ANKRD18B: variants seen among roughly 807,000 people sequenced by gnomAD.
The protein encoded by ANKRD18B is ankyrin repeat domain-containing protein 18B.
Under a neutral mutation model 111.8 loss-of-function variants are expected in ANKRD18B, and 75 were observed. That is an observed-to-expected ratio of 0.67 (90% CI 0.56 to 0.81). The LOEUF is 0.81. Ranked by LOEUF, ANKRD18B falls within the 40% of genes least tolerant of loss-of-function variation. The probability of loss-of-function intolerance (pLI) is 0.00; values close to 1 mark genes in which losing one functional copy is unlikely to be tolerated. For synonymous variants in ANKRD18B, 356 were observed against 417.3 expected (o/e 0.85, Z 1.79); for missense variants, 1,038 against 1,225.5 (o/e 0.85, Z 2.28).
intron 13 of ANKRD18B, among the ~76,000 whole-genome samples, chr9:33,556,346 C>T (rs960044939): frequency 4.0e-5 from 6 of 151,442 alleles, no homozygotes; most frequent in African/African-American, 1.2e-4. Context: ...TCACTGCAAC[C>T]TCTGCCACCT....
rs1827995375 is a variant in ANKRD18B, at chr9:33,524,496, A to C, written c.7A>C (p.Lys3Gln). Residue 3 changes from lysine to glutamine, a missense_variant, in exon 1 of 19, where the codon AAG becomes CAG. By Grantham distance (53) the Lys-to-Gln change is moderately conservative. This residue lies in a region of ANKRD18B where 216 missense variants were observed against 205.1 expected (regional missense o/e 1.05). Transcript: ENST00000684830. The part of the protein sequence containing the change: MR[K>Q]LLSFGRRLGQ... ...CATCTGAGAAGTCGCCACCATGAGGAAGCTCCTCAGTTTTGGGAGACGCCT... is the reference window on the plus strand; with the variant it reads ...CATCTGAGAAGTCGCCACCATGAGGCAGCTCCTCAGTTTTGGGAGACGCCT... 6 of 1,547,080 alleles carry C rather than the reference A, an allele frequency of 3.9e-6. No individual in the cohort carries two copies. The highest frequency in any genetic ancestry group is 4.4e-6 in the Non-Finnish European group (5 of 1,145,294).
chr9:33,572,196 A>T, intron 18 of ANKRD18B, 120 bp from the exon 19 acceptor site: 2 of 734,286 alleles, frequency 2.7e-6, no homozygotes, highest in Non-Finnish European at 4.7e-6. Context: ...TTGTAATTGC[A>T]CGTACATATT....
chr9:33,545,111 C>T (rs1227569610), intron 10 of ANKRD18B, among the ~76,000 whole-genome samples: 2 of 152,098 alleles, frequency 1.3e-5, no homozygotes, highest in African/African-American at 4.8e-5. Flanking sequence ...ACTCTGGGTC[C>T]CTCCAACACA....
chr9:33,533,547 T>G lies in ANKRD18B; in HGVS notation c.602+2T>G, dbSNP rs865931633. On this transcript the variant is annotated splice_donor_variant, in intron 4 of 18. Transcript: ENST00000684830. LOFTEE classifies it high-confidence loss of function. ...ACATGCCGTTGACAATTTCAAAAGGTGCAATAGTTTTTGTTTTCTGTTTTC... is the reference window on the plus strand; with the variant it reads ...ACATGCCGTTGACAATTTCAAAAGGGGCAATAGTTTTTGTTTTCTGTTTTC... 9 of 1,528,656 alleles carry G rather than the reference T, an allele frequency of 5.9e-6. No homozygotes were observed. Among genetic ancestry groups the G allele is most frequent in the Non-Finnish European group, 3.5e-6 (4 of 1,140,482 alleles). The allele number at this position is 1,528,656 out of a possible 1,614,324, so 94.7% of individuals were successfully genotyped here.
At chr9:33,569,644 C>A (rs1486518338) in intron 17 of ANKRD18B, among the ~76,000 whole-genome samples, 2 of 152,148 alleles carry the variant, frequency 1.3e-5, no homozygotes, top group African/African-American at 2.4e-5. Context: ...AAACACTTAA[C>A]AACATATAGA....
chr9:33,573,986 G>C (rs1828822404), downstream of ANKRD18B, among the ~76,000 whole-genome samples: 2 of 144,220 alleles, frequency 1.4e-5, 1 homozygote, highest in Non-Finnish European at 3.1e-5. Flanking sequence ...CTGGTCGGTG[G>C]GGTGTATTCA....
chr9:33,560,623 G>A (rs1828592417), intron 14 of ANKRD18B, among the ~76,000 whole-genome samples: 1 of 152,188 alleles, frequency 6.6e-6, no homozygotes, highest in African/African-American at 2.4e-5. Flanking sequence ...CATTCATGAG[G>A]TGATGGACCT....
chr9:33,550,391 A>C (rs1398011046), intron 11 of ANKRD18B, 39 bp from the exon 12 acceptor site: 22 of 1,506,720 alleles, frequency 1.5e-5, no homozygotes, highest in Admixed American at 2.4e-5. Context: ...TTTAATAATA[A>C]GGCACTTTAT....
At chr9:33,532,105 G>T (rs1221104449) in intron 3 of ANKRD18B, among the ~76,000 whole-genome samples, 1 of 152,050 alleles carries the variant, frequency 6.6e-6, no homozygotes, top group Non-Finnish European at 1.5e-5. Flanking sequence ...GTGGTGGCAG[G>T]TGCCTGTAGT....
chr9:33,573,243 C>T (rs199848211), downstream of ANKRD18B: 9 of 985,188 alleles, frequency 9.1e-6, no homozygotes, highest in South Asian at 1.9e-4. Context: ...TCCCATCATG[C>T]GCTCACTAGT....
rs530466625 is a variant in ANKRD18B at position 33,564,122 on chromosome 9, C to T, written c.2461-2097C>T. ...CTAGGATTATGGGCGTGCACCATTG[C>T]ACCTGTCTGATTTTTTACTTTGTAG... On this transcript the variant is annotated intron_variant, in intron 14 of 18. Transcript: ENST00000684830. Among the ~76,000 whole-genome samples, 34 of 152,310 alleles carry T rather than the reference C, an allele frequency of 2.2e-4. No homozygotes were observed. In the South Asian group the frequency reaches 6.8e-3, roughly 31 times the overall value.
At chr9:33,547,551 C>A (rs940596642) in intron 10 of ANKRD18B, among the ~76,000 whole-genome samples, 1 of 151,954 alleles carries the variant, frequency 6.6e-6, no homozygotes, top group African/African-American at 2.4e-5. Context: ...GGTTAGATAT[C>A]AGAGTATAAA....
At chr9:33,562,867 T>C (rs1256670518) in intron 14 of ANKRD18B, among the ~76,000 whole-genome samples, 1 of 152,274 alleles carries the variant, frequency 6.6e-6, no homozygotes, top group Non-Finnish European at 1.5e-5. Context: ...TAATAAATAC[T>C]CAAAGCTTCT....
At chr9:33,570,938 T>C (rs1202616371) in intron 17 of ANKRD18B, among the ~76,000 whole-genome samples, 3 of 152,158 alleles carry the variant, frequency 2.0e-5, no homozygotes, top group Non-Finnish European at 2.9e-5. Flanking sequence ...GCCCGGTCAT[T>C]GTTTAACCTT....
rs1220841629 is a variant in ANKRD18B at position 33,550,450 on chromosome 9, A to G, written c.2088A>G (p.Gln696=). 4 of 1,541,534 alleles carry G rather than the reference A, an allele frequency of 2.6e-6. No individual in the cohort carries two copies. Among genetic ancestry groups the G allele is most frequent in the East Asian group, 2.5e-5 (1 of 40,754 alleles). Residue 696 remains glutamine, a synonymous_variant, in exon 12 of 19, where the codon CAA becomes CAG. Transcript: ENST00000684830. The part of the protein sequence containing the change: ...AEREVIVREF[Q]EELVDHLKKF... Reference sequence around the variant, plus strand: ...GTCAGGTGATTGTGAGAGAATTTCAAGAAGAACTGGTCGATCATCTTAAAA... The same window carrying G: ...GTCAGGTGATTGTGAGAGAATTTCAGGAAGAACTGGTCGATCATCTTAAAA...
At chr9:33,546,012 A>G (rs1269397995) in intron 10 of ANKRD18B, among the ~76,000 whole-genome samples, 1 of 152,192 alleles carries the variant, frequency 6.6e-6, no homozygotes, top group Non-Finnish European at 1.5e-5. Flanking sequence ...CAAGTGGCAT[A>G]TGGGCTGGGA....
intron 9 of ANKRD18B, among the ~76,000 whole-genome samples, chr9:33,542,416 T>G (rs1345227965): frequency 2.0e-5 from 3 of 150,936 alleles, no homozygotes; most frequent in African/African-American, 7.3e-5. Flanking sequence ...AAGTTTTTAC[T>G]CTGTCACCCA....
chr9:33,548,408 T>C lies in ANKRD18B; in HGVS notation c.1620T>C (p.Asn540=). Residue 540 remains asparagine (N), a synonymous_variant, in exon 11 of 19, where the codon AAT becomes AAC. Coordinates refer to ENST00000684830, the MANE Select transcript of ANKRD18B (RefSeq NM_001393611.1). ...ATATTTCTCAACTAACAGATAAGAA[T>C]GAGTTGCTTACTGAACAGGTCCATA... ...GSNISQLTDK[N]ELLTEQVHKA... 1 of 1,551,068 alleles carries C rather than the reference T, an allele frequency of 6.4e-7. No individual in the cohort carries two copies. The highest frequency in any genetic ancestry group is 8.7e-7 in the Non-Finnish European group (1 of 1,146,590).
chr9:33,554,915 C>T (rs573982821), intron 12 of ANKRD18B, among the ~76,000 whole-genome samples: 1 of 151,694 alleles, frequency 6.6e-6, no homozygotes, highest in South Asian at 2.1e-4. Flanking sequence ...AGGTTCATAA[C>T]TTAGGATTAC....
Sources: gnomAD v4.1 joint callset for allele counts (sites outside exome capture counted in the v4.1 genomes callset) on GRCh38, gnomAD v4.1.1 for gene constraint, gnomAD v4.1.1 regional missense constraint, MANE v1.5 for transcripts, NCBI Gene and HGNC (gene_info 2026-07-23, HGNC 2026-07-21) for gene names.